TXK: variants seen among roughly 807,000 people sequenced by gnomAD.
TXK encodes tyrosine-protein kinase TXK.
Under a neutral mutation model 81.0 loss-of-function variants are expected in TXK, and 60 were observed. The ratio of observed to expected loss-of-function variants is 0.74; its 90% CI spans 0.60 to 0.92. The LOEUF is 0.92. TXK is among the 40% of genes least tolerant of loss of function. The probability of loss-of-function intolerance (pLI) is 0.00; values close to 1 mark genes in which losing one functional copy is unlikely to be tolerated. For synonymous variants in TXK, 203 were observed against 210.7 expected, an observed-to-expected ratio of 0.96 and a Z score of 0.32; for missense variants, 581 against 638.3, an observed-to-expected ratio of 0.91 and a Z score of 0.97.
At chr4:48,105,905 T>C (rs1235441429) in intron 5 of TXK, among the ~76,000 whole-genome samples, 3 of 152,080 alleles carry the variant, frequency 2.0e-5, no homozygotes, top group Non-Finnish European at 4.4e-5. Flanking sequence ...GACTTTAGAA[T>C]ATCAGAAGTA....
chr4:48,132,092 G>A (rs571701347), intron 1 of TXK, among the ~76,000 whole-genome samples: 62 of 151,240 alleles, frequency 4.1e-4, no homozygotes, highest in African/African-American at 1.5e-3. Context: ...GCTCCTATGA[G>A]GGGATTTCGC....
chr4:48,099,445 A>T (rs535523551), intron 6 of TXK, among the ~76,000 whole-genome samples: 2 of 152,308 alleles, frequency 1.3e-5, no homozygotes, highest in South Asian at 4.1e-4. Context: ...ATATCAATAT[A>T]TGGGTTCTAG....
intron 5 of TXK, chr4:48,109,507 A>G (rs1213172913): frequency 6.6e-6 from 1 of 152,202 alleles, no homozygotes; most frequent in Non-Finnish European, 1.5e-5. Flanking sequence ...TGGCTCCAAT[A>G]GAGACAGGAG....
At chr4:48,116,067 C>A (rs1229139809) in intron 1 of TXK, among the ~76,000 whole-genome samples, 2 of 152,154 alleles carry the variant, frequency 1.3e-5, no homozygotes, top group Non-Finnish European at 2.9e-5. Flanking sequence ...CCCTTTACTT[C>A]TCTAAGTCTT....
chr4:48,110,382 C>G (rs2109468035), intron 5 of TXK, among the ~76,000 whole-genome samples, 156 bp downstream of exon 5: 1 of 152,252 alleles, frequency 6.6e-6, no homozygotes, highest in Non-Finnish European at 1.5e-5. Context: ...AAAGAAGTTT[C>G]TGAATCAACC....
At chr4:48,088,242 GA>G (rs1293855659) in intron 9 of TXK, among the ~76,000 whole-genome samples, 1 of 152,172 alleles carries the variant, frequency 6.6e-6, no homozygotes, top group African/African-American at 2.4e-5. Flanking sequence ...AAGCTCTTTA[GA>G]AAACTGACTG....
At chr4:48,131,197 CAATAT>C (rs936833284) in intron 1 of TXK, among the ~76,000 whole-genome samples, 2 of 152,136 alleles carry the variant, frequency 1.3e-5, no homozygotes, top group Non-Finnish European at 2.9e-5. Flanking sequence ...TCAGTATGAT[CAATAT>C]CCCACGCTCC....
intron 5 of TXK, among the ~76,000 whole-genome samples, chr4:48,107,303 C>A (rs75605362): frequency 0.042 from 6,436 of 151,576 alleles, 446 homozygotes; most frequent in African/African-American, 0.15. Flanking sequence ...TTTAAAGTAG[C>A]CATAAATCTT....
intron 10 of TXK, among the ~76,000 whole-genome samples, chr4:48,084,415 G>A (rs2109416214): frequency 6.6e-6 from 1 of 152,246 alleles, no homozygotes; most frequent in East Asian, 1.9e-4. Context: ...CATCAGGCTT[G>A]TACCTTTCAA....
Position 48,086,651 on chromosome 4 carries a change from A to T in TXK, c.785-14T>A, listed in dbSNP as rs765144811. On this transcript the variant is annotated splice_polypyrimidine_tract_variant and intron_variant, in intron 9 of 14. Transcript: ENST00000264316. ...TCTCCCACTTTTCTGAAAAAGTAAAACATCCATGTTACAAGTAGAAAGAAA... is the reference window on the plus strand; with the variant it reads ...TCTCCCACTTTTCTGAAAAAGTAAATCATCCATGTTACAAGTAGAAAGAAA... 5.0e-6 allele frequency: 8 copies of T among 1,611,136 alleles called. No individual in the cohort carries two copies. The highest frequency in any genetic ancestry group is 6.8e-6 in the Non-Finnish European group (8 of 1,177,808).
At chr4:48,077,688 C>T (rs1717126281) in intron 11 of TXK, among the ~76,000 whole-genome samples, 1 of 151,890 alleles carries the variant, frequency 6.6e-6, no homozygotes, top group African/African-American at 2.4e-5. Context: ...CTCATTTCTC[C>T]TAGGTGCTGG....
intron 8 of TXK, among the ~76,000 whole-genome samples, chr4:48,092,748 A>C (rs1367639344): frequency 6.6e-6 from 1 of 152,242 alleles, no homozygotes; most frequent in African/African-American, 2.4e-5. Context: ...ATGGCAGGTA[A>C]GGGCAAGAGC....
chr4:48,109,569 G>A (rs1718569986), intron 5 of TXK, among the ~76,000 whole-genome samples: 2 of 152,164 alleles, frequency 1.3e-5, no homozygotes, highest in Admixed American at 1.3e-4. Flanking sequence ...GAGCTGAGGA[G>A]AGTGACTGGA....
chr4:48,105,874 G>C (rs1331567648), intron 5 of TXK, among the ~76,000 whole-genome samples: 1 of 152,012 alleles, frequency 6.6e-6, no homozygotes, highest in Non-Finnish European at 1.5e-5. Context: ...GTTTTTCTCT[G>C]CATGAAACAT....
chr4:48,126,715 G>A (rs1015447461), intron 1 of TXK, among the ~76,000 whole-genome samples: 2 of 152,190 alleles, frequency 1.3e-5, no homozygotes, highest in African/African-American at 4.8e-5. Flanking sequence ...CATTGGCCAA[G>A]CTAGTCTCAA....
intron 12 of TXK, 84 bp from the exon 13 acceptor site, chr4:48,074,137 G>T: frequency 9.6e-7 from 1 of 1,046,808 alleles, no homozygotes; most frequent in Non-Finnish European, 1.4e-6. Flanking sequence ...ACTCTAAGTT[G>T]CTAAAAGACA....
At chr4:48,116,273 C>T (rs987420081) in intron 1 of TXK, among the ~76,000 whole-genome samples, 2 of 152,130 alleles carry the variant, frequency 1.3e-5, no homozygotes, top group African/African-American at 2.4e-5. Flanking sequence ...ATGTAAAACT[C>T]CTAGACCAAT....
At chr4:48,095,247 T>G (rs1717938861) in intron 6 of TXK, 25 bp from the exon 7 acceptor site, 1 of 1,577,050 alleles carries the variant, frequency 6.3e-7, no homozygotes, top group South Asian at 1.1e-5. Context: ...ATTTATTGAA[T>G]AAGTCTATTC....
intron 11 of TXK, among the ~76,000 whole-genome samples, chr4:48,078,419 G>A (rs1262001813): frequency 6.6e-6 from 1 of 152,148 alleles, no homozygotes; most frequent in Non-Finnish European, 1.5e-5. Context: ...ATGTGTGATG[G>A]AAGCACAGAA....
Sources: gnomAD v4.1 joint callset for allele counts (sites outside exome capture counted in the v4.1 genomes callset) on GRCh38, gnomAD v4.1.1 for gene constraint, MANE v1.5 for transcripts, NCBI Gene and HGNC (gene_info 2026-07-23, HGNC 2026-07-21) for gene names.